The following CLVS1 variants were observed in gnomAD, a reference collection of about 807,000 sequenced individuals.
The protein encoded by CLVS1 is clavesin 1.
In CLVS1, 10 loss-of-function variants were observed where a neutral mutation model predicts 33.1. That is an observed-to-expected ratio of 0.30 (90% CI 0.19 to 0.51). The LOEUF (loss-of-function observed/expected upper bound fraction) is 0.51, where lower values mean the gene tolerates loss of function less well. Among genes scored for constraint, CLVS1 ranks in the 20% least tolerant of loss-of-function variants. The pLI is 0.97. For synonymous variants in CLVS1, 163 were observed against 166.1 expected (o/e 0.98, Z 0.14); for missense variants, 343 against 433.4 (o/e 0.79, Z 1.85).
intron 5 of CLVS1, among the ~76,000 whole-genome samples, chr8:61,491,847 C>T (rs1804099627): frequency 1.3e-5 from 2 of 152,146 alleles, no homozygotes; most frequent in Admixed American, 6.6e-5. Flanking sequence ...AGTACAATTT[C>T]ACTTTTATCT....
intron 2 of CLVS1, among the ~76,000 whole-genome samples, chr8:61,136,533 G>A (rs1345461445): frequency 6.6e-6 from 1 of 152,204 alleles, no homozygotes; most frequent in East Asian, 1.9e-4. Flanking sequence ...GTCCTTTGCA[G>A]GGACATGGAT....
At chr8:61,172,259 G>A (rs1175587124) in intron 2 of CLVS1, among the ~76,000 whole-genome samples, 1 of 152,126 alleles carries the variant, frequency 6.6e-6, no homozygotes, top group Non-Finnish European at 1.5e-5. Context: ...GTTGGAGGGA[G>A]GATATTGTTA....
chr8:61,043,207 T>C, the CLVS1 span, among the ~76,000 whole-genome samples: 3 of 152,182 alleles, frequency 2.0e-5, no homozygotes, highest in Non-Finnish European at 4.4e-5. Flanking sequence ...GGTAAGAACA[T>C]ACTTACCTTG....
At chr8:61,432,644 G>A (rs12682574) in intron 3 of CLVS1, among the ~76,000 whole-genome samples, 13,039 of 152,208 alleles carry the variant, frequency 0.086, 641 homozygotes, top group Non-Finnish European at 0.09. Flanking sequence ...TTAAACCATC[G>A]AGTCTGTGGT....
upstream of CLVS1, among the ~76,000 whole-genome samples, chr8:61,284,810 A>G (rs1198295000): frequency 6.6e-6 from 1 of 152,224 alleles, no homozygotes; most frequent in African/African-American, 2.4e-5. Flanking sequence ...TAAGGGTGTG[A>G]CCTTCATGTC....
intron 2 of CLVS1, among the ~76,000 whole-genome samples, chr8:61,364,994 G>A (rs1813135818): frequency 6.6e-6 from 1 of 152,176 alleles, no homozygotes; most frequent in African/African-American, 2.4e-5. Flanking sequence ...ATTTCAGAAA[G>A]GTACCTCTTG....
chr8:61,035,569 G>A, the CLVS1 span, among the ~76,000 whole-genome samples: 1 of 152,114 alleles, frequency 6.6e-6, no homozygotes, highest in African/African-American at 2.4e-5. Flanking sequence ...GTCCGGGCAT[G>A]GCCAGGATTC....
At chr8:60,992,781 C>A in the CLVS1 span, among the ~76,000 whole-genome samples, 1 of 151,954 alleles carries the variant, frequency 6.6e-6, no homozygotes, top group Non-Finnish European at 1.5e-5. Context: ...CAGGCTTAGG[C>A]AAATTAAGAA....
At chr8:61,067,271 C>T (rs946124769) in intron 1 of CLVS1, among the ~76,000 whole-genome samples, 10 of 151,958 alleles carry the variant, frequency 6.6e-5, no homozygotes, top group Non-Finnish European at 1.2e-4. Flanking sequence ...CTACTTTTGT[C>T]TCTTCAGTCT....
the CLVS1 span, among the ~76,000 whole-genome samples, chr8:61,028,026 G>A: frequency 2.6e-5 from 4 of 152,218 alleles, no homozygotes; most frequent in Admixed American, 6.5e-5. Context: ...TCCTTGAGAT[G>A]AATGTGGTGT....
At chr8:61,150,122 G>A (rs1463459805) in intron 2 of CLVS1, among the ~76,000 whole-genome samples, 1 of 151,952 alleles carries the variant, frequency 6.6e-6, no homozygotes, top group Non-Finnish European at 1.5e-5. Flanking sequence ...GTGTGTGTGT[G>A]TGTGTGACTC....
intron 2 of CLVS1, among the ~76,000 whole-genome samples, chr8:61,263,336 A>G (rs1163499893): frequency 6.6e-6 from 1 of 152,240 alleles, no homozygotes; most frequent in African/African-American, 2.4e-5. Flanking sequence ...TGTGGTTTAA[A>G]AATGCACAGT....
At chr8:61,286,845 C>T (rs1016775662), upstream of CLVS1, among the ~76,000 whole-genome samples, 1 of 152,162 alleles carries the variant, frequency 6.6e-6, no homozygotes, top group Admixed American at 6.5e-5. Context: ...CCATAGTGAT[C>T]TAACTAATGG....
At chr8:61,475,376 C>G (rs1396430959) in intron 5 of CLVS1, among the ~76,000 whole-genome samples, 2 of 152,224 alleles carry the variant, frequency 1.3e-5, no homozygotes, top group Admixed American at 6.5e-5. Flanking sequence ...GCCACACCAG[C>G]TTCCACAATG....
At chr8:61,232,026 T>TGTTTGTTTG (rs1554548348) in intron 2 of CLVS1, among the ~76,000 whole-genome samples, 40,979 of 125,804 alleles carry the variant, frequency 0.33, 8,181 homozygotes, top group Non-Finnish European at 0.4. Flanking sequence ...AGTTGTGGTT[T>TGTTTGTTTG]TTTTTTTTTT....
intron 2 of CLVS1, among the ~76,000 whole-genome samples, chr8:61,373,241 C>T (rs981447670): frequency 3.9e-5 from 6 of 152,186 alleles, no homozygotes; most frequent in Middle Eastern, 3.2e-3. Flanking sequence ...AAGAGGTAGG[C>T]TTACACTCCT....
intron 2 of CLVS1, among the ~76,000 whole-genome samples, chr8:61,148,314 G>A (rs1266042568): frequency 6.6e-6 from 1 of 152,222 alleles, no homozygotes; most frequent in Non-Finnish European, 1.5e-5. Context: ...AGATGTGGAG[G>A]TGGGTGGCAT....
At chr8:61,470,172 A>G (rs1817686351) in intron 5 of CLVS1, among the ~76,000 whole-genome samples, 1 of 152,214 alleles carries the variant, frequency 6.6e-6, no homozygotes, top group Non-Finnish European at 1.5e-5. Context: ...TTTCTGTGGC[A>G]TAAATGAAAG....
the CLVS1 span, among the ~76,000 whole-genome samples, chr8:61,028,945 T>C: frequency 1.3e-5 from 2 of 152,266 alleles, no homozygotes; most frequent in Non-Finnish European, 2.9e-5. Flanking sequence ...GATAGGTTTG[T>C]GCTGGAATGC....
Sources: allele counts gnomAD v4.1 joint callset (sites outside exome capture counted in the v4.1 genomes callset), GRCh38; gene constraint gnomAD v4.1.1; transcripts MANE v1.5; gene names NCBI Gene and HGNC (gene_info 2026-07-23, HGNC 2026-07-21).